Variants in RAPGEF5 observed in about 807,000 individuals in gnomAD.
The protein encoded by RAPGEF5 is Rap guanine nucleotide exchange factor 5.
A neutral mutation model predicts 125.2 loss-of-function variants in RAPGEF5; 65 were observed. The ratio of observed to expected loss-of-function variants is 0.52; its 90% confidence interval spans 0.43 to 0.64. The LOEUF is 0.64. RAPGEF5 is among the 30% of genes least tolerant of loss of function. The pLI is 0.00. For synonymous variants in RAPGEF5, 391 were observed against 385.9 expected (o/e 1.01, Z -0.16); for missense variants, 958 against 1,048.1 (o/e 0.91, Z 1.19).
chr7:22,216,520 G>A (rs1184371535), intron 9 of RAPGEF5, among the ~76,000 whole-genome samples: 2 of 152,130 alleles, frequency 1.3e-5, no homozygotes, highest in Admixed American at 6.6e-5. Flanking sequence ...AAGCTCAAAG[G>A]TCCCCATCTG....
rs755112679 is a variant in RAPGEF5 at position 22,267,028 on chromosome 7, G to C, written c.748-16C>G. 7.5e-6 allele frequency: 12 copies of C among 1,598,124 alleles called. No individual in the cohort carries two copies. The highest frequency in any genetic ancestry group is 1.0e-5 in the Non-Finnish European group (12 of 1,168,500). On this transcript the variant is annotated splice_polypyrimidine_tract_variant and intron_variant, in intron 6 of 25. Transcript: ENST00000665637. ...CTCTCTGCACCTAATAAAATATTAG[G>C]GGGGAAAATCAAATTAGAAGAAGAA...
At chr7:22,316,662 T>G (rs1783606688) in intron 2 of RAPGEF5, among the ~76,000 whole-genome samples, 1 of 150,870 alleles carries the variant, frequency 6.6e-6, no homozygotes, top group African/African-American at 2.4e-5. Context: ...AGCTAATATT[T>G]GTTTTTTGTT....
intron 14 of RAPGEF5, 24 bp downstream of exon 14, chr7:22,160,494 T>A: frequency 6.5e-7 from 1 of 1,531,572 alleles, no homozygotes; most frequent in Non-Finnish European, 8.8e-7. Context: ...TCATTAACTA[T>A]AATTAGGAAA....
At chr7:22,290,609 G>A (rs1472289074) in intron 6 of RAPGEF5, among the ~76,000 whole-genome samples, 1 of 151,422 alleles carries the variant, frequency 6.6e-6, no homozygotes, top group Non-Finnish European at 1.5e-5. Context: ...GCCGGGCGTA[G>A]TGGCGGGCGC....
intron 9 of RAPGEF5, among the ~76,000 whole-genome samples, chr7:22,215,892 C>T (rs1785626122): frequency 6.6e-6 from 1 of 152,218 alleles, no homozygotes; most frequent in Non-Finnish European, 1.5e-5. Flanking sequence ...ACTAACATCT[C>T]AGCTACCTGA....
Position 22,122,389 on chromosome 7 carries a change from A to T in RAPGEF5, c.*17T>A, listed in dbSNP as rs371602119. 1.6e-5 allele frequency: 25 copies of T among 1,568,226 alleles called. No homozygotes were observed. Among genetic ancestry groups the T allele is most frequent in the Middle Eastern group, 1.8e-4 (1 of 5,622 alleles). ...GCTCAAAGTGCTGCAGATACAGGGG[A>T]GGTGAGGCAGTGGGGCTCACACCCG... On this transcript the variant is annotated 3_prime_UTR_variant, in exon 26 of 26. Transcript: ENST00000665637.
intron 1 of RAPGEF5, among the ~76,000 whole-genome samples, chr7:22,326,791 T>C (rs1389271482): frequency 2.6e-5 from 4 of 152,182 alleles, no homozygotes; most frequent in Admixed American, 1.3e-4. Context: ...AGATACACTA[T>C]AAAGCAAAGC....
At chr7:22,130,574 C>T (rs1156898030) in intron 24 of RAPGEF5, among the ~76,000 whole-genome samples, 2 of 152,160 alleles carry the variant, frequency 1.3e-5, no homozygotes, top group African/African-American at 4.8e-5. Context: ...CACATTTAAG[C>T]TTGGAGTCCT....
chr7:22,318,137 T>TA, intron 1 of RAPGEF5, 100 bp from the exon 2 acceptor site: 36 of 1,068,588 alleles, frequency 3.4e-5, no homozygotes, highest in South Asian at 2.0e-4. Context: ...GCCTCTGCTA[T>TA]GAAAAAAAAA....
chr7:22,255,341 C>T (rs924742751), intron 7 of RAPGEF5, among the ~76,000 whole-genome samples: 1 of 152,144 alleles, frequency 6.6e-6, no homozygotes, highest in Non-Finnish European at 1.5e-5. Flanking sequence ...GTAATCCCAG[C>T]ACTTTGAGAG....
At chr7:22,314,350 A>C (rs940687485) in intron 3 of RAPGEF5, among the ~76,000 whole-genome samples, 12 of 152,182 alleles carry the variant, frequency 7.9e-5, no homozygotes, top group Non-Finnish European at 1.8e-4. Context: ...CAAGGTGTAC[A>C]TTTAAGATTT....
intron 20 of RAPGEF5, among the ~76,000 whole-genome samples, chr7:22,142,152 G>C (rs1421050139): frequency 6.6e-6 from 1 of 152,176 alleles, no homozygotes; most frequent in East Asian, 1.9e-4. Context: ...CCAGTTCGAA[G>C]TCTCTCTTAC....
intron 7 of RAPGEF5, among the ~76,000 whole-genome samples, chr7:22,265,894 G>C (rs1381331066): frequency 6.6e-6 from 1 of 152,078 alleles, no homozygotes; most frequent in Non-Finnish European, 1.5e-5. Context: ...TCACTGGGGA[G>C]CCTTATTCAT....
At chr7:22,242,502 C>T (rs568825534) in intron 7 of RAPGEF5, among the ~76,000 whole-genome samples, 46 of 152,090 alleles carry the variant, frequency 3.0e-4, no homozygotes, top group Non-Finnish European at 5.6e-4. Flanking sequence ...CTGAGAAGGG[C>T]CCCTGGTCAC....
At chr7:22,232,713 T>C (rs1786089717) in intron 7 of RAPGEF5, among the ~76,000 whole-genome samples, 1 of 152,200 alleles carries the variant, frequency 6.6e-6, no homozygotes, top group South Asian at 2.1e-4. Flanking sequence ...ATGCCTGCTG[T>C]GTGGTGCCCA....
chr7:22,261,704 G>A (rs1282011828), intron 7 of RAPGEF5, among the ~76,000 whole-genome samples: 1 of 152,084 alleles, frequency 6.6e-6, no homozygotes, highest in Non-Finnish European at 1.5e-5. Flanking sequence ...TAGTATTGAT[G>A]GATACCAATG....
At position 22,266,977 on chromosome 7, in the gene RAPGEF5, T is replaced by G; in HGVS notation, c.783A>C (p.Lys261Asn). The change falls in exon 7 of 26, where the codon AAA (lysine) becomes AAC (asparagine). Residue 261 changes from lysine to asparagine, a missense_variant. Physicochemically the swap from Lys to Asn is moderately conservative, Grantham distance 94 (BLOSUM62 0). Transcript: ENST00000665637. ...AAGATGACTTACCAGACTTCCTTGC[T>G]TTCAAAGCAATAACAGCTGCTAGCT... Reference protein sequence around the residue: ...QRELAAVIALKARKSAIEQDE... With the variant: ...QRELAAVIALNARKSAIEQDE... The G allele has an allele frequency of 6.2e-7, 1 of 1,611,142 alleles. No individual in the cohort carries two copies. The highest frequency in any genetic ancestry group is 8.5e-7 in the Non-Finnish European group (1 of 1,177,600).
Position 22,310,102 on chromosome 7 carries a change from CA to C in RAPGEF5, c.390-13del. 1 of 1,536,464 alleles carries C rather than the reference CA, an allele frequency of 6.5e-7. No individual in the cohort carries two copies. ...CAACGCAGCTCCTCCTGAACAAAAGCAAAGCCATTCACAGTAAGATATTGCT... is the reference window on the plus strand; with the variant it reads ...CAACGCAGCTCCTCCTGAACAAAAGCAAGCCATTCACAGTAAGATATTGCT... On this transcript the variant is annotated splice_polypyrimidine_tract_variant and intron_variant, in intron 3 of 25. Coordinates refer to ENST00000665637, the MANE Select transcript of RAPGEF5 (RefSeq NM_012294.5).
At chr7:22,253,320 C>T (rs1282407161) in intron 7 of RAPGEF5, among the ~76,000 whole-genome samples, 2 of 152,152 alleles carry the variant, frequency 1.3e-5, no homozygotes, top group Non-Finnish European at 2.9e-5. Context: ...ATCAGACAAT[C>T]GGTGTTGGCC....
Sources: allele counts gnomAD v4.1 joint callset (sites outside exome capture counted in the v4.1 genomes callset), GRCh38; gene constraint gnomAD v4.1.1; transcripts MANE v1.5; gene names NCBI Gene and HGNC (gene_info 2026-07-23, HGNC 2026-07-21).